GRID1: variants seen among roughly 807,000 people sequenced by gnomAD.
GRID1 encodes the protein glutamate receptor ionotropic, delta-1.
Under a neutral mutation model 98.0 loss-of-function variants are expected in GRID1, and 28 were observed. The observed-to-expected ratio is 0.29, with a 90% CI of 0.21 to 0.39. The LOEUF (loss-of-function observed/expected upper bound fraction) is 0.39. Ranked by LOEUF, GRID1 falls within the 10% of genes least tolerant of loss-of-function variation. GRID1 has a pLI of 1.00. For synonymous variants in GRID1, 553 were observed against 538.5 expected, an observed-to-expected ratio of 1.03 and a Z score of -0.37; for missense variants, 1,111 against 1,340.5, an observed-to-expected ratio of 0.83 and a Z score of 2.67.
chr10:86,364,157 G>C, intron 1 of GRID1, 61 bp from the exon 2 acceptor site: 1 of 1,455,142 alleles, frequency 6.9e-7, no homozygotes. Flanking sequence ...GCTTCCCTTG[G>C]CCCGAGGGTC....
At chr10:85,752,694 A>AT (rs1456902957) in intron 8 of GRID1, among the ~76,000 whole-genome samples, 1 of 152,142 alleles carries the variant, frequency 6.6e-6, no homozygotes, top group East Asian at 1.9e-4. Flanking sequence ...ATATACTGTT[A>AT]TTTTTTCTAC....
chr10:86,070,964 G>A (rs1336985601), intron 4 of GRID1, among the ~76,000 whole-genome samples: 1 of 152,078 alleles, frequency 6.6e-6, no homozygotes, highest in African/African-American at 2.4e-5. Context: ...CATCTCCAGG[G>A]GCCAATCCTG....
chr10:85,621,586 C>A (rs1211905593), intron 13 of GRID1, among the ~76,000 whole-genome samples: 1 of 152,136 alleles, frequency 6.6e-6, no homozygotes, highest in African/African-American at 2.4e-5. Flanking sequence ...GACATTCAGA[C>A]AATTTTGCCC....
At chr10:85,797,987 A>G (rs1842541191) in intron 8 of GRID1, among the ~76,000 whole-genome samples, 1 of 152,208 alleles carries the variant, frequency 6.6e-6, no homozygotes, top group Non-Finnish European at 1.5e-5. Context: ...CACAGTATAT[A>G]CATATACCAC....
chr10:85,748,663 C>T (rs926839121), intron 8 of GRID1, among the ~76,000 whole-genome samples: 7 of 152,058 alleles, frequency 4.6e-5, no homozygotes, highest in African/African-American at 9.7e-5. Context: ...AGCAGGTCCT[C>T]GTGAATTTCA....
At chr10:86,184,765 C>CA (rs1216769769) in intron 3 of GRID1, among the ~76,000 whole-genome samples, 1 of 152,022 alleles carries the variant, frequency 6.6e-6, no homozygotes. Flanking sequence ...ATGGAATCTA[C>CA]AAAAAAGCTA....
chr10:85,705,594 C>A (rs1841506678), intron 12 of GRID1, among the ~76,000 whole-genome samples: 1 of 152,198 alleles, frequency 6.6e-6, no homozygotes, highest in Non-Finnish European at 1.5e-5. Context: ...GGGAATCTTC[C>A]CTAACTCGTT....
intron 13 of GRID1, among the ~76,000 whole-genome samples, chr10:85,629,818 CT>C (rs1842955941): frequency 2.0e-5 from 3 of 152,194 alleles, no homozygotes; most frequent in African/African-American, 7.2e-5. Context: ...GTAATTTACA[CT>C]CCCACCAGCA....
intron 8 of GRID1, among the ~76,000 whole-genome samples, chr10:85,740,472 G>A (rs185588200): frequency 1.9e-4 from 29 of 152,208 alleles, no homozygotes; most frequent in Admixed American, 1.8e-3. Flanking sequence ...TCAATTCTAT[G>A]AGTTCTTACA....
At chr10:86,302,069 A>G (rs1278186290) in intron 2 of GRID1, among the ~76,000 whole-genome samples, 1 of 152,162 alleles carries the variant, frequency 6.6e-6, no homozygotes, top group African/African-American at 2.4e-5. Flanking sequence ...CTTCTGTGCT[A>G]AAAGCCTCAC....
intron 5 of GRID1, among the ~76,000 whole-genome samples, chr10:85,898,215 A>C (rs1035410268): frequency 1.3e-5 from 2 of 152,228 alleles, no homozygotes; most frequent in African/African-American, 2.4e-5. Flanking sequence ...GAAAAGGTAT[A>C]GTAAAAATAT....
intron 4 of GRID1, among the ~76,000 whole-genome samples, chr10:86,045,093 A>T (rs1843403549): frequency 6.6e-6 from 1 of 152,236 alleles, no homozygotes; most frequent in South Asian, 2.1e-4. Flanking sequence ...AGTATGTAGC[A>T]AGTGTTGTCA....
At chr10:85,730,124 G>C (rs1190107671) in intron 8 of GRID1, among the ~76,000 whole-genome samples, 1 of 152,218 alleles carries the variant, frequency 6.6e-6, no homozygotes, top group African/African-American at 2.4e-5. Context: ...AGAGCTTCCT[G>C]CCTGTTTTCA....
At chr10:85,955,551 C>G (rs1324366262) in intron 4 of GRID1, among the ~76,000 whole-genome samples, 2 of 152,164 alleles carry the variant, frequency 1.3e-5, no homozygotes, top group Non-Finnish European at 2.9e-5. Context: ...ATTAGGGGTA[C>G]TATCCTATTC....
intron 2 of GRID1, among the ~76,000 whole-genome samples, chr10:86,228,271 T>C (rs67165915): frequency 0.4 from 38,132 of 95,112 alleles, 6,235 homozygotes; most frequent in Non-Finnish European, 0.46. Flanking sequence ...GAGGATGGTG[T>C]GGTGAGGAGT....
intron 8 of GRID1, among the ~76,000 whole-genome samples, chr10:85,790,910 G>A (rs563026167): frequency 5.5e-4 from 84 of 152,292 alleles, no homozygotes; most frequent in African/African-American, 2.0e-3. Flanking sequence ...CGCTCTCTCT[G>A]AGCAGAGTAG....
intron 2 of GRID1, among the ~76,000 whole-genome samples, chr10:86,361,991 G>C (rs1237619855): frequency 2.0e-5 from 3 of 152,162 alleles, no homozygotes. Flanking sequence ...GGAGCGGACG[G>C]GCATCATTCA....
chr10:86,150,762 G>T (rs1346984021), intron 3 of GRID1, among the ~76,000 whole-genome samples: 1 of 152,130 alleles, frequency 6.6e-6, no homozygotes, highest in Non-Finnish European at 1.5e-5. Context: ...CTCCTGGTTG[G>T]AATTAGTGGC....
chr10:85,805,400 T>C (rs979412301), intron 8 of GRID1, among the ~76,000 whole-genome samples: 2 of 151,864 alleles, frequency 1.3e-5, no homozygotes, highest in Non-Finnish European at 3.0e-5. Flanking sequence ...AAAGACTCAA[T>C]ATTGTTAAGA....
Sources: allele counts gnomAD v4.1 joint callset (sites outside exome capture counted in the v4.1 genomes callset), GRCh38; gene constraint gnomAD v4.1.1; transcripts MANE v1.5; gene names NCBI Gene and HGNC (gene_info 2026-07-23, HGNC 2026-07-21).